Variants in ME1 observed in about 807,000 individuals in gnomAD.
ME1 encodes malic enzyme 1, also known as NADP-dependent malic enzyme.
In ME1, 74 loss-of-function variants were observed where a neutral mutation model predicts 66.4. The observed-to-expected ratio is 1.11, with a 90% CI of 0.92 to 1.35. The LOEUF (loss-of-function observed/expected upper bound fraction) is 1.35, where lower values mean the gene tolerates loss of function less well. Among genes scored for constraint, ME1 ranks in the 40% most tolerant of loss-of-function variants. The probability of loss-of-function intolerance (pLI) is 0.00; values close to 1 mark genes in which losing one functional copy is unlikely to be tolerated. For missense variants in ME1, 750 were observed against 694.1 expected, an observed-to-expected ratio of 1.08 and a Z score of -0.90; for synonymous variants, 251 against 235.6, an observed-to-expected ratio of 1.07 and a Z score of -0.60.
chr6:83,429,277 AT>A (rs1284085594), intron 1 of ME1, among the ~76,000 whole-genome samples: 2 of 152,140 alleles, frequency 1.3e-5, no homozygotes, highest in African/African-American at 4.8e-5. Context: ...AATAATAATA[AT>A]AATAATAAAT....
At chr6:83,284,598 A>G (rs1348737945) in intron 6 of ME1, among the ~76,000 whole-genome samples, 1 of 152,140 alleles carries the variant, frequency 6.6e-6, no homozygotes, top group Non-Finnish European at 1.5e-5. Context: ...AAAAACAAAA[A>G]CCATAGGATC....
intron 6 of ME1, among the ~76,000 whole-genome samples, chr6:83,279,891 A>G (rs1287563816): frequency 6.6e-6 from 1 of 152,224 alleles, no homozygotes; most frequent in Non-Finnish European, 1.5e-5. Flanking sequence ...GAAGAAAACT[A>G]TCTCCACAGG....
intron 6 of ME1, among the ~76,000 whole-genome samples, chr6:83,290,873 T>TA (rs1312837123): frequency 3.3e-5 from 5 of 152,188 alleles, no homozygotes; most frequent in African/African-American, 1.2e-4. Flanking sequence ...TACCATTATG[T>TA]AATGGCCTTG....
At chr6:83,364,134 A>C (rs1769055463) in intron 3 of ME1, among the ~76,000 whole-genome samples, 2 of 151,478 alleles carry the variant, frequency 1.3e-5, no homozygotes, top group South Asian at 4.2e-4. Flanking sequence ...AGGCATACCC[A>C]CCCTTAATCT....
chr6:83,273,817 A>C lies in ME1; in HGVS notation c.705-20079T>G, dbSNP rs1425670152. 4.6e-5 allele frequency among the ~76,000 whole-genome samples: 7 copies of C among 152,316 alleles called. No individual in the cohort carries two copies. In the South Asian group the frequency reaches 1.4e-3, roughly 32 times the overall value. Reference sequence around the variant, plus strand: ...TGCTTCAGTTAAGTCTTATTCTGCCAAGCCTTTCTAACTATACTCACCAGT... The same window carrying C: ...TGCTTCAGTTAAGTCTTATTCTGCCCAGCCTTTCTAACTATACTCACCAGT... On this transcript the variant is annotated intron_variant, in intron 6 of 13. Transcript: ENST00000369705.
intron 1 of ME1, among the ~76,000 whole-genome samples, chr6:83,418,157 T>C (rs2128553129): frequency 6.6e-6 from 1 of 152,340 alleles, no homozygotes; most frequent in South Asian, 2.1e-4. Flanking sequence ...TATGGGCGGT[T>C]GTGAAGCTCG....
At chr6:83,356,147 A>G (rs1391068816) in intron 3 of ME1, among the ~76,000 whole-genome samples, 1 of 152,120 alleles carries the variant, frequency 6.6e-6, no homozygotes, top group Admixed American at 6.6e-5. Flanking sequence ...GCAACTTTCT[A>G]CTGTAATCAA....
chr6:83,362,188 T>C (rs116684536), intron 3 of ME1, among the ~76,000 whole-genome samples: 133 of 152,306 alleles, frequency 8.7e-4, no homozygotes, highest in African/African-American at 3.1e-3. Flanking sequence ...GGAGACATGG[T>C]CAGATGTGCG....
At chr6:83,425,311 T>A (rs1327440967) in intron 1 of ME1, among the ~76,000 whole-genome samples, 1 of 152,172 alleles carries the variant, frequency 6.6e-6, no homozygotes, top group African/African-American at 2.4e-5. Context: ...CCTGATAACA[T>A]AATTACTAAC....
At chr6:83,331,154 G>A (rs796761545) in intron 5 of ME1, among the ~76,000 whole-genome samples, 7 of 152,290 alleles carry the variant, frequency 4.6e-5, no homozygotes, top group African/African-American at 1.7e-4. Flanking sequence ...GTTGAAAGGT[G>A]TTGCCCCCAA....
chr6:83,294,472 G>A (rs936631757), intron 6 of ME1, among the ~76,000 whole-genome samples: 2 of 152,082 alleles, frequency 1.3e-5, no homozygotes, highest in African/African-American at 4.8e-5. Context: ...CTTTCCTCCT[G>A]GTGAGCCCTC....
intron 6 of ME1, among the ~76,000 whole-genome samples, chr6:83,311,981 A>G (rs1394481799): frequency 2.0e-5 from 3 of 152,098 alleles, no homozygotes; most frequent in Admixed American, 6.5e-5. Flanking sequence ...AGCTGCCCCA[A>G]TGAAGTCACA....
chr6:83,324,809 C>A (rs1245315280), intron 5 of ME1, among the ~76,000 whole-genome samples: 1 of 150,942 alleles, frequency 6.6e-6, no homozygotes, highest in Non-Finnish European at 1.5e-5. Flanking sequence ...TGGTACCATT[C>A]CTTCTGAAAC....
intron 5 of ME1, among the ~76,000 whole-genome samples, chr6:83,315,971 A>G (rs1293689009): frequency 1.3e-5 from 2 of 152,208 alleles, no homozygotes; most frequent in Admixed American, 1.3e-4. Context: ...GATTATTCTG[A>G]GGAAAAGAAA....
At chr6:83,405,465 C>T (rs1769921059) in intron 2 of ME1, among the ~76,000 whole-genome samples, 1 of 152,138 alleles carries the variant, frequency 6.6e-6, no homozygotes, top group Admixed American at 6.5e-5. Context: ...GACTATTTGA[C>T]TTCCTCTCTT....
intron 2 of ME1, among the ~76,000 whole-genome samples, chr6:83,400,827 C>T (rs557747264): frequency 1.3e-5 from 2 of 152,194 alleles, no homozygotes; most frequent in Non-Finnish European, 2.9e-5. Flanking sequence ...CCCATTACCT[C>T]GCTAACTTCC....
intron 3 of ME1, 125 bp from the exon 4 acceptor site, chr6:83,352,264 G>A (rs1768816987): frequency 7.8e-6 from 4 of 515,590 alleles, no homozygotes; most frequent in South Asian, 4.8e-5. Flanking sequence ...TCAAACTGGT[G>A]GACATTATTT....
At chr6:83,293,913 T>G (rs2128535349) in intron 6 of ME1, among the ~76,000 whole-genome samples, 1 of 152,344 alleles carries the variant, frequency 6.6e-6, no homozygotes, top group Admixed American at 6.5e-5. Context: ...TAGCATCTAT[T>G]TACTCTCTGT....
chr6:83,229,283 T>A, intron 9 of ME1: 2 of 363,570 alleles, frequency 5.5e-6, no homozygotes, highest in Non-Finnish European at 1.0e-5. Context: ...TTGTGTTTTA[T>A]AGCAGGTCTC....
Sources: gnomAD v4.1 joint callset for allele counts (sites outside exome capture counted in the v4.1 genomes callset) on GRCh38, gnomAD v4.1.1 for gene constraint, MANE v1.5 for transcripts, NCBI Gene and HGNC (gene_info 2026-07-23, HGNC 2026-07-21) for gene names.